MASTL: variants seen among roughly 807,000 people sequenced by gnomAD.
The protein encoded by MASTL is serine/threonine-protein kinase greatwall.
A neutral mutation model predicts 82.5 loss-of-function variants in MASTL; 54 were observed. The observed-to-expected ratio is 0.65, with a 90% CI of 0.53 to 0.82. MASTL has a LOEUF of 0.82. Ranked by LOEUF, MASTL falls within the 40% of genes least tolerant of loss-of-function variation. MASTL has a pLI of 0.00. For synonymous variants in MASTL, 323 were observed against 368.9 expected, an observed-to-expected ratio of 0.88 and a Z score of 1.43; for missense variants, 950 against 1,047.8, an observed-to-expected ratio of 0.91 and a Z score of 1.29.
In MASTL at chr10:27,170,706, T is replaced by A. The variant is rs749809928; in HGVS notation, c.1747T>A (p.Leu583Ile). The A allele has an allele frequency of 6.2e-7, 1 of 1,613,400 alleles. No homozygotes were observed. Among genetic ancestry groups the A allele is most frequent in the East Asian group, 2.2e-5 (1 of 44,858 alleles). The change falls in exon 8 of 12, where the codon TTA (leucine) becomes ATA (isoleucine). Residue 583 changes from leucine (L) to isoleucine (I), a missense_variant. Coordinates refer to ENST00000375940, the MANE Select transcript of MASTL (RefSeq NM_001172303.3). ...FPGISIMESP[L>I]ESQPLDSDRS... ...TGGAATTTCTATAATGGAAAGTCCA[T>A]TAGAAAGTCAGCCCTTAGATTCAGA...
Position 27,186,346 on chromosome 10 carries a change from T to C in MASTL, c.2483-33T>C, listed in dbSNP as rs73598041. On this transcript the variant is annotated intron_variant, in intron 11 of 11. Transcript: ENST00000375940. Reference sequence around the variant, plus strand: ...AAAGCAGTACTTACTTAGGTAATGATATCATACTGTTTTGTTTTATATTTT... The same window carrying C: ...AAAGCAGTACTTACTTAGGTAATGACATCATACTGTTTTGTTTTATATTTT... 0.048 allele frequency: 76,186 copies of C among 1,592,828 alleles called. 2,009 individuals are homozygous for C. Among genetic ancestry groups the C allele is most frequent in the African/African-American group, 0.084 (6,226 of 74,556 alleles).
chr10:27,160,233 G>A (rs2057525055), intron 3 of MASTL, among the ~76,000 whole-genome samples: 2 of 140,704 alleles, frequency 1.4e-5, no homozygotes, highest in South Asian at 4.5e-4. Context: ...CTGGGCCCAA[G>A]GGATCCTCCC....
chr10:27,165,668 A>G (rs1263519956), intron 6 of MASTL, 129 bp downstream of exon 6: 39 of 1,086,962 alleles, frequency 3.6e-5, no homozygotes, highest in Non-Finnish European at 5.3e-5. Context: ...GCTGGAGTGC[A>G]ATGGCGCGAT....
intron 4 of MASTL, among the ~76,000 whole-genome samples, chr10:27,162,965 G>A (rs150159902): frequency 0.016 from 2,372 of 152,196 alleles, 24 homozygotes; most frequent in Non-Finnish European, 0.024. Flanking sequence ...TGCCCAGGCT[G>A]GAGTGCAATG....
At position 27,184,167 on chromosome 10, in the gene MASTL, A is replaced by G. The variant is rs568113192; in HGVS notation, c.2483-2212A>G. On this transcript the variant is annotated intron_variant, in intron 11 of 11. Transcript: ENST00000375940. ...TCTAGTGGAAAGAGAGACAGTGAAC[A>G]GTTACAGACACAACATAATGTCATG... Among the ~76,000 whole-genome samples the G allele has an allele frequency of 2.0e-5, 3 of 152,344 alleles. No individual in the cohort carries two copies. In the South Asian group the frequency reaches 6.2e-4, roughly 32 times the overall value.
chr10:27,154,549 T>A, upstream of MASTL: 1 of 420,778 alleles, frequency 2.4e-6, no homozygotes, highest in Non-Finnish European at 4.2e-6. Flanking sequence ...GAACAGCCTT[T>A]ACCCTCTTTG....
At chr10:27,155,218 C>T (rs2057309650), upstream of MASTL, 1 of 596,352 alleles carries the variant, frequency 1.7e-6, no homozygotes, top group Non-Finnish European at 3.0e-6. Context: ...GGTCGCCGCC[C>T]ACGAAGAGTG....
intron 9 of MASTL, among the ~76,000 whole-genome samples, chr10:27,177,122 C>T (rs1303765542): frequency 6.6e-6 from 1 of 152,150 alleles, no homozygotes; most frequent in African/African-American, 2.4e-5. Flanking sequence ...GCTGGGATTA[C>T]AGGTATGAGC....
intron 6 of MASTL, among the ~76,000 whole-genome samples, chr10:27,166,211 C>G (rs570347281): frequency 3.0e-4 from 45 of 151,894 alleles, no homozygotes; most frequent in Non-Finnish European, 5.6e-4. Flanking sequence ...TCAAAACAAG[C>G]AAGCAATTTA....
In MASTL at chr10:27,170,064, C is replaced by G; in HGVS notation, c.1105C>G (p.Leu369Val). Residue 369 changes from leucine (L) to valine (V), a missense_variant, in exon 8 of 12, where the codon CTT (leucine) becomes GTT (valine). By Grantham distance (32) the Leu-to-Val change is conservative. Coordinates refer to ENST00000375940, the MANE Select transcript of MASTL (RefSeq NM_001172303.3). Reference sequence around the variant, plus strand: ...CAATAAAAAGGATCTGGAGTTAGCTCTTTCTCCCATTCATAACAGCAGTGC... The same window carrying G: ...CAATAAAAAGGATCTGGAGTTAGCTGTTTCTCCCATTCATAACAGCAGTGC... ...GFNKKDLELALSPIHNSSALP... is the reference protein window; with the variant it reads ...GFNKKDLELAVSPIHNSSALP... 1 of 1,614,196 alleles carries G rather than the reference C, an allele frequency of 6.2e-7. No homozygotes were observed. The highest frequency in any genetic ancestry group is 8.5e-7 in the Non-Finnish European group (1 of 1,180,024).
In MASTL at chr10:27,172,986, T is replaced by C. The variant is rs897594575; in HGVS notation, c.2125-132T>C. ...ATTATGCATTCATTTTCAAAACTTA[T>C]CAAAAATTTGACTACATCCTTTACG... is the stretch of plus-strand genomic sequence containing the variant. On this transcript the variant is annotated intron_variant, in intron 8 of 11. Transcript: ENST00000375940. 5 of 1,034,178 alleles carry C rather than the reference T, an allele frequency of 4.8e-6. No individual in the cohort carries two copies. In the African/African-American group the frequency reaches 8.0e-5, roughly 17 times the overall value. 64.1% of individuals were successfully genotyped at this position (1,034,178 alleles called of 1,614,324 possible). A position where few individuals can be genotyped will look rare whatever the true frequency, so the allele number is the denominator to read the frequency against.
chr10:27,160,611 TGTG>T (rs2057538177), intron 3 of MASTL, among the ~76,000 whole-genome samples: 1 of 151,016 alleles, frequency 6.6e-6, no homozygotes, highest in East Asian at 1.9e-4. Context: ...ATTAGCCGAG[TGTG>T]GTGGTGGGTG....
chr10:27,170,705 A>G lies in MASTL; in HGVS notation c.1746A>G (p.Pro582=), dbSNP rs373274070. ...SFPGISIMES[P]LESQPLDSDR... The stretch of plus-strand genomic sequence containing the variant: ...CTGGAATTTCTATAATGGAAAGTCC[A>G]TTAGAAAGTCAGCCCTTAGATTCAG... Residue 582 remains proline, a synonymous_variant, in exon 8 of 12, where the codon CCA becomes CCG. Coordinates refer to ENST00000375940, the MANE Select transcript of MASTL (RefSeq NM_001172303.3). 3.1e-6 allele frequency: 5 copies of G among 1,613,410 alleles called. No homozygotes were observed. Among genetic ancestry groups the G allele is most frequent in the Non-Finnish European group, 4.2e-6 (5 of 1,179,882 alleles).
In MASTL at chr10:27,171,054, CAA is replaced by C; in HGVS notation, c.2100_2101del (p.Arg701LysfsTer33). The part of the protein sequence containing the change: ...GSYPMAITPT[Q>X]KRRSCMPHQQ... ...ATATCCCATGGCTATAACCCCTACT[CAA>C]AAAAGAAGATCCTGTATGCCACATC... On this transcript the variant is annotated frameshift_variant, in exon 8 of 12. Coordinates refer to ENST00000375940, the MANE Select transcript of MASTL (RefSeq NM_001172303.3). LOFTEE classifies it high-confidence loss of function. 1 of 1,613,864 alleles carries C rather than the reference CAA, an allele frequency of 6.2e-7. No homozygotes were observed. The highest frequency in any genetic ancestry group is 8.5e-7 in the Non-Finnish European group (1 of 1,179,898).
At chr10:27,161,653 T>C (rs1470876928) in intron 4 of MASTL, among the ~76,000 whole-genome samples, 2 of 152,188 alleles carry the variant, frequency 1.3e-5, no homozygotes, top group Non-Finnish European at 2.9e-5. Flanking sequence ...TATCCCAGAA[T>C]AGGCTAGAAA....
chr10:27,171,688 C>G (rs1360183534), intron 8 of MASTL, among the ~76,000 whole-genome samples: 2 of 151,826 alleles, frequency 1.3e-5, no homozygotes, highest in African/African-American at 4.8e-5. Context: ...CCACCTCGGC[C>G]TCTCAAAGTG....
intron 2 of MASTL, among the ~76,000 whole-genome samples, 191 bp downstream of exon 2, chr10:27,158,877 G>A (rs1176081544): frequency 1.3e-5 from 2 of 152,130 alleles, no homozygotes; most frequent in African/African-American, 2.4e-5. Flanking sequence ...ATATGCATAC[G>A]GTGCGTGTGT....
chr10:27,171,410 AATTATTATTATTATTATT>A (rs71386919), intron 8 of MASTL, among the ~76,000 whole-genome samples: 17 of 144,750 alleles, frequency 1.2e-4, no homozygotes, highest in Admixed American at 3.5e-4. Flanking sequence ...TGAGTTACAA[AATTATTATTATTATTATT>A]ATTATTATTA....
intron 1 of MASTL, 125 bp downstream of exon 1, chr10:27,155,737 TC>T: frequency 1.9e-6 from 2 of 1,048,534 alleles, no homozygotes; most frequent in Non-Finnish European, 2.9e-6. Flanking sequence ...TGCTGAAGCC[TC>T]CAGAGCCCTG....
Sources: allele counts gnomAD v4.1 joint callset (sites outside exome capture counted in the v4.1 genomes callset), GRCh38; gene constraint gnomAD v4.1.1; transcripts MANE v1.5; gene names NCBI Gene and HGNC (gene_info 2026-07-23, HGNC 2026-07-21).